The following TMCC1 variants were observed in gnomAD, a reference collection of about 807,000 sequenced individuals.
TMCC1 encodes transmembrane and coiled-coil domains protein 1.
A neutral mutation model predicts 52.4 loss-of-function variants in TMCC1; 15 were observed. The observed-to-expected ratio is 0.29, with a 90% CI of 0.19 to 0.44. TMCC1 has a LOEUF of 0.44. Among genes scored for constraint, TMCC1 ranks in the 20% least tolerant of loss-of-function variants. The pLI, the probability that TMCC1 is intolerant of heterozygous loss-of-function variation, is 1.00. For synonymous variants in TMCC1, 279 were observed against 301.9 expected (o/e 0.92, Z 0.79); for missense variants, 503 against 806.0 (o/e 0.62, Z 4.55).
At chr3:129,827,781 A>C (rs369674879) in intron 4 of TMCC1, 22 bp downstream of exon 4, 27 of 1,601,750 alleles carry the variant, frequency 1.7e-5, no homozygotes, top group Non-Finnish European at 2.2e-5. Flanking sequence ...GTTAACAGAA[A>C]AACAAAATCT....
intron 4 of TMCC1, among the ~76,000 whole-genome samples, chr3:129,703,644 T>C (rs2048005653): frequency 6.6e-6 from 1 of 152,202 alleles, no homozygotes; most frequent in African/African-American, 2.4e-5. Flanking sequence ...GTAACTACGA[T>C]AGCTGAAGAG....
In TMCC1 at chr3:129,829,496, TGAG is replaced by T. The variant is rs779775457; in HGVS notation, c.-130-991_-130-989del. 4.2e-5 allele frequency among the ~76,000 whole-genome samples: 6 copies of T among 144,386 alleles called. No homozygotes were observed. In the East Asian group the frequency reaches 1.2e-3, roughly 29 times the overall value. 94.7% of individuals were successfully genotyped at this position (144,386 alleles called of 152,430 possible). ...AAAGGGAGGGGGGGATGGGAGATGATGAGATTTTTCCTAATAGAAAGTGTTTAT... is the reference window on the plus strand; with the variant it reads ...AAAGGGAGGGGGGGATGGGAGATGATATTTTTCCTAATAGAAAGTGTTTAT... On this transcript the variant is annotated intron_variant, in intron 3 of 6. Transcript: ENST00000393238.
intron 4 of TMCC1, among the ~76,000 whole-genome samples, chr3:129,768,282 C>A (rs565607909): frequency 1.3e-5 from 2 of 152,242 alleles, no homozygotes; most frequent in African/African-American, 4.8e-5. Flanking sequence ...CCCTCACAAT[C>A]GAGTATGAAG....
chr3:129,776,401 G>A (rs1299860711), intron 4 of TMCC1, among the ~76,000 whole-genome samples: 1 of 152,150 alleles, frequency 6.6e-6, no homozygotes, highest in Non-Finnish European at 1.5e-5. Flanking sequence ...TGGAGATATT[G>A]ATTTGGGCAT....
chr3:129,667,420 C>T (rs2087558148), intron 5 of TMCC1, among the ~76,000 whole-genome samples: 1 of 151,964 alleles, frequency 6.6e-6, no homozygotes, highest in African/African-American at 2.4e-5. Flanking sequence ...TTTTCCACTC[C>T]CTTTTTTGGG....
chr3:129,881,396 T>C (rs2061453663), intron 1 of TMCC1, among the ~76,000 whole-genome samples: 2 of 152,198 alleles, frequency 1.3e-5, no homozygotes, highest in African/African-American at 2.4e-5. Flanking sequence ...AATATTTGTC[T>C]GCAGTCTGCC....
chr3:129,702,000 T>G (rs1425325770), intron 4 of TMCC1, among the ~76,000 whole-genome samples: 2 of 152,118 alleles, frequency 1.3e-5, no homozygotes, highest in East Asian at 3.8e-4. Flanking sequence ...AATAAAATGG[T>G]ATAATAAAAT....
chr3:129,857,640 C>T (rs2060200694), intron 2 of TMCC1, among the ~76,000 whole-genome samples: 1 of 151,988 alleles, frequency 6.6e-6, no homozygotes, highest in South Asian at 2.1e-4. Flanking sequence ...CAGCTCACTG[C>T]AAGCTCCGCC....
At chr3:129,785,445 A>C (rs1362734264) in intron 4 of TMCC1, among the ~76,000 whole-genome samples, 5 of 152,162 alleles carry the variant, frequency 3.3e-5, no homozygotes, top group African/African-American at 1.2e-4. Context: ...CTCAAACTCA[A>C]GTAATCATTC....
At chr3:129,717,336 T>C (rs1164319789) in intron 4 of TMCC1, among the ~76,000 whole-genome samples, 1 of 152,220 alleles carries the variant, frequency 6.6e-6, no homozygotes, top group Non-Finnish European at 1.5e-5. Context: ...TCCTTTCTCC[T>C]ATGAAGAATT....
chr3:129,691,361 C>T lies in TMCC1; in HGVS notation c.577-20097G>A, dbSNP rs1282862493. ...GCCAGGAGATTGAGACCAGCCTGGG[C>T]AATGAAAGGGAACAGCTCTTTGAGA... On this transcript the variant is annotated intron_variant, in intron 4 of 6. Coordinates refer to ENST00000393238, the MANE Select transcript of TMCC1 (RefSeq NM_001017395.5). Among the ~76,000 whole-genome samples, 3 of 152,060 alleles carry T rather than the reference C, an allele frequency of 2.0e-5. No homozygotes were observed. The South Asian group carries it at 6.2e-4, about 31-fold the overall frequency.
chr3:129,754,458 G>A (rs550738158), intron 4 of TMCC1, among the ~76,000 whole-genome samples: 6 of 152,282 alleles, frequency 3.9e-5, no homozygotes, highest in Non-Finnish European at 8.8e-5. Context: ...CATATGACCT[G>A]ATTTTAAGAC....
chr3:129,761,306 C>A lies in TMCC1; in HGVS notation c.576+66497G>T, dbSNP rs540767017. 3.3e-4 allele frequency among the ~76,000 whole-genome samples: 40 copies of A among 121,610 alleles called. 1 individual carries two copies. The South Asian group carries it at 0.011, about 34-fold the overall frequency. 79.8% of individuals were successfully genotyped at this position (121,610 alleles called of 152,430 possible). ...TGGCGCCACTGCACTCCAGCCTGGG[C>A]GACAGAGCGAGACTCCGTCTCAAAA... On this transcript the variant is annotated intron_variant, in intron 4 of 6. Coordinates refer to ENST00000393238, the MANE Select transcript of TMCC1 (RefSeq NM_001017395.5).
chr3:129,761,708 G>A (rs947438781), intron 4 of TMCC1, among the ~76,000 whole-genome samples: 1 of 152,048 alleles, frequency 6.6e-6, no homozygotes, highest in Admixed American at 6.6e-5. Flanking sequence ...AGTACTAGCA[G>A]AGCTGGATGC....
At chr3:129,715,683 C>T (rs892843668) in intron 4 of TMCC1, among the ~76,000 whole-genome samples, 8 of 152,110 alleles carry the variant, frequency 5.3e-5, no homozygotes, top group Admixed American at 6.6e-5. Context: ...CTCTGTACTT[C>T]TAAACTTTCT....
chr3:129,804,548 G>A (rs1343723305), intron 4 of TMCC1, among the ~76,000 whole-genome samples: 1 of 152,112 alleles, frequency 6.6e-6, no homozygotes, highest in Non-Finnish European at 1.5e-5. Flanking sequence ...CTAACCTAAG[G>A]AAACACATAG....
At chr3:129,755,215 A>G (rs921044278) in intron 4 of TMCC1, among the ~76,000 whole-genome samples, 2 of 152,158 alleles carry the variant, frequency 1.3e-5, no homozygotes, top group South Asian at 4.1e-4. Context: ...GGGGAGGGGA[A>G]TAAGGGTTGA....
At chr3:129,760,560 C>G (rs9790186) in intron 4 of TMCC1, among the ~76,000 whole-genome samples, 148,942 of 151,466 alleles carry the variant, frequency 0.98, 73,290 homozygotes, top group Non-Finnish European at 1. Flanking sequence ...TCACTACAAG[C>G]TCCGCCTCCC....
At chr3:129,883,503 A>G (rs2061557981) in intron 1 of TMCC1, among the ~76,000 whole-genome samples, 1 of 152,136 alleles carries the variant, frequency 6.6e-6, no homozygotes, top group African/African-American at 2.4e-5. Flanking sequence ...GGTCCCAGCT[A>G]TTCAGGAGGC....
Sources: gnomAD v4.1 joint callset for allele counts (sites outside exome capture counted in the v4.1 genomes callset) on GRCh38, gnomAD v4.1.1 for gene constraint, MANE v1.5 for transcripts, NCBI Gene and HGNC (gene_info 2026-07-23, HGNC 2026-07-21) for gene names.